Variants in C11orf54 observed in about 807,000 individuals in gnomAD.
The protein encoded by C11orf54 is beta-keto L-gulonate decarboxylase.
C11orf54 carries 29 observed loss-of-function variants against 35.5 expected under a neutral mutation model. The observed-to-expected ratio is 0.82, with a 90% confidence interval of 0.61 to 1.11. The LOEUF (loss-of-function observed/expected upper bound fraction) is 1.11, where lower values mean the gene tolerates loss of function less well. Ranked by LOEUF, C11orf54 falls within the 50% of genes most tolerant of loss-of-function variation. The pLI, the probability that C11orf54 is intolerant of heterozygous loss-of-function variation, is 0.00. For missense variants in C11orf54, 373 were observed against 369.2 expected, an observed-to-expected ratio of 1.01 and a Z score of -0.08; for synonymous variants, 108 against 121.1, an observed-to-expected ratio of 0.89 and a Z score of 0.71.
intron 3 of C11orf54, among the ~76,000 whole-genome samples, chr11:93,752,203 G>C (rs950362891): frequency 9.9e-5 from 15 of 151,966 alleles, no homozygotes; most frequent in Non-Finnish European, 4.4e-5. Flanking sequence ...AGTGTTTTCT[G>C]GTCAGTAATT....
chr11:93,755,024 A>G (rs1271501920), intron 5 of C11orf54, 186 bp from the exon 6 acceptor site: 4 of 568,724 alleles, frequency 7.0e-6, no homozygotes, highest in African/African-American at 1.9e-5. Flanking sequence ...GGCATGAGCC[A>G]CAGCGCCCGG....
Position 93,741,742 on chromosome 11 carries a change from C to G in C11orf54, c.-98+14C>G, listed in dbSNP as rs1942073191. ...GTGACCGTTTAGGTGAGTGGAATAGCCAAGAACATTTCGGCAAATAACAAA... is the reference window on the plus strand; with the variant it reads ...GTGACCGTTTAGGTGAGTGGAATAGGCAAGAACATTTCGGCAAATAACAAA... On this transcript the variant is annotated intron_variant, in intron 1 of 8. Coordinates refer to ENST00000354421, the MANE Select transcript of C11orf54 (RefSeq NM_001286069.2). 3.1e-6 allele frequency: 1 copy of G among 319,916 alleles called. No homozygotes were observed. Among genetic ancestry groups the G allele is most frequent in the Non-Finnish European group, 6.2e-6 (1 of 162,016 alleles). 19.8% of individuals were successfully genotyped at this position (319,916 alleles called of 1,614,324 possible).
At chr11:93,760,032 C>T (rs1163933150) in intron 8 of C11orf54, among the ~76,000 whole-genome samples, 174 bp downstream of exon 8, 1 of 152,110 alleles carries the variant, frequency 6.6e-6, no homozygotes, top group Non-Finnish European at 1.5e-5. Flanking sequence ...CTGCAACCTC[C>T]GCCTCCTGGG....
intron 6 of C11orf54, 136 bp from the exon 7 acceptor site, chr11:93,757,180 C>T: frequency 1.1e-6 from 1 of 878,474 alleles, no homozygotes; most frequent in Non-Finnish European, 1.7e-6. Context: ...CACGGGATTG[C>T]AACATCTCAA....
intron 3 of C11orf54, among the ~76,000 whole-genome samples, chr11:93,752,746 G>GTTTT (rs71064779): frequency 1.5e-4 from 16 of 103,894 alleles, no homozygotes; most frequent in African/African-American, 3.2e-4. Context: ...ATCTCTCTGG[G>GTTTT]TTTTTTTTTT....
chr11:93,754,369 A>G (rs1433186900), intron 5 of C11orf54, among the ~76,000 whole-genome samples: 1 of 152,226 alleles, frequency 6.6e-6, no homozygotes, highest in African/African-American at 2.4e-5. Context: ...TTGGGTATGC[A>G]GGCAGCTTTG....
chr11:93,755,567 A>G (rs1943089448), intron 6 of C11orf54, among the ~76,000 whole-genome samples, 181 bp downstream of exon 6: 1 of 151,990 alleles, frequency 6.6e-6, no homozygotes, highest in Non-Finnish European at 1.5e-5. Context: ...CCTGGTCAAC[A>G]TGGTGAAACC....
At position 93,759,857 on chromosome 11, in the gene C11orf54, C is replaced by G; in HGVS notation, c.773C>G (p.Pro258Arg). Residue 258 changes from proline (P) to arginine (R), a missense_variant and splice_region_variant, in exon 8 of 9, where the codon CCA (proline) becomes CGA (arginine). Transcript: ENST00000354421. Reference sequence around the variant, plus strand: ...CTACCAGTTTTTGTCTCCAGAGACCCAGTAAGTCTGTGTCTGTTTTTTATA... The same window carrying G: ...CTACCAGTTTTTGTCTCCAGAGACCGAGTAAGTCTGTGTCTGTTTTTTATA... ...VCLPVFVSRD[P>R]GFDLRLEHTH... 6.4e-7 allele frequency: 1 copy of G among 1,552,274 alleles called. No individual in the cohort carries two copies. The highest frequency in any genetic ancestry group is 8.9e-7 in the Non-Finnish European group (1 of 1,129,494).
At chr11:93,757,139 T>C (rs1943196535) in intron 6 of C11orf54, among the ~76,000 whole-genome samples, 177 bp from the exon 7 acceptor site, 2 of 151,674 alleles carry the variant, frequency 1.3e-5, no homozygotes, top group African/African-American at 4.8e-5. Context: ...TGTGTGTGTG[T>C]GCATACATAT....
intron 2 of C11orf54, 122 bp from the exon 3 acceptor site, chr11:93,750,224 C>T: frequency 1.5e-6 from 1 of 661,122 alleles, no homozygotes; most frequent in Non-Finnish European, 2.6e-6. Context: ...AGACCATTTC[C>T]CCCTTCTTTT....
chr11:93,762,636 A>C lies in C11orf54; in HGVS notation c.*948A>C, dbSNP rs1377743312. 1.3e-5 allele frequency: 2 copies of C among 152,168 alleles called. No individual in the cohort carries two copies. The highest frequency in any genetic ancestry group is 2.4e-5 in the African/African-American group (1 of 41,448). The allele number at this position is 152,168 out of a possible 1,614,324, so 9.4% of individuals were successfully genotyped here. Reference sequence around the variant, plus strand: ...TTAAAATGTTTCTTAAATAAAAAAAACACAAACATTAGCAACTAGTTGGCT... The same window carrying C: ...TTAAAATGTTTCTTAAATAAAAAAACCACAAACATTAGCAACTAGTTGGCT... On this transcript the variant is annotated 3_prime_UTR_variant, in exon 9 of 9. Transcript: ENST00000354421.
At chr11:93,760,721 C>T (rs1372673054) in intron 8 of C11orf54, among the ~76,000 whole-genome samples, 11 of 152,128 alleles carry the variant, frequency 7.2e-5, no homozygotes, top group South Asian at 4.2e-4. Context: ...TGCAGTGATG[C>T]AATCTCGGCT....
rs1943568820 is a variant in C11orf54 at position 93,764,018 on chromosome 11, G to A, written c.*2330G>A. On this transcript the variant is annotated 3_prime_UTR_variant, in exon 9 of 9. Coordinates refer to ENST00000354421, the MANE Select transcript of C11orf54 (RefSeq NM_001286069.2). Reference sequence around the variant, plus strand: ...CTTGCTTTATTTTTTTAAAGAGATGGTGTCTCACTATGTTGCCCAGGCTGG... The same window carrying A: ...CTTGCTTTATTTTTTTAAAGAGATGATGTCTCACTATGTTGCCCAGGCTGG... 1 of 152,138 alleles carries A rather than the reference G, an allele frequency of 6.6e-6. No homozygotes were observed. Among genetic ancestry groups the A allele is most frequent in the Admixed American group, 6.6e-5 (1 of 15,256 alleles). 9.4% of individuals were successfully genotyped at this position (152,138 alleles called of 1,614,324 possible).
At chr11:93,756,037 C>T (rs7950574) in intron 6 of C11orf54, among the ~76,000 whole-genome samples, 83,772 of 151,226 alleles carry the variant, frequency 0.55, 24,601 homozygotes, top group Admixed American at 0.69. Flanking sequence ...GAAGGTGGCA[C>T]ATGCCTGTAG....
At chr11:93,755,486 G>T in intron 6 of C11orf54, 100 bp downstream of exon 6, 2 of 1,380,820 alleles carry the variant, frequency 1.4e-6, no homozygotes, top group Non-Finnish European at 9.8e-7. Context: ...AAGAAAATTA[G>T]TTTCCCACTT....
intron 3 of C11orf54, among the ~76,000 whole-genome samples, chr11:93,752,245 A>G (rs1942874810): frequency 6.6e-6 from 1 of 152,316 alleles, no homozygotes; most frequent in East Asian, 1.9e-4. Context: ...ACTAGAAGCC[A>G]GATATGCATC....
intron 7 of C11orf54, among the ~76,000 whole-genome samples, 197 bp from the exon 8 acceptor site, chr11:93,759,545 A>G (rs1243908998): frequency 6.6e-6 from 1 of 152,186 alleles, no homozygotes; most frequent in Non-Finnish European, 1.5e-5. Flanking sequence ...TACCTAATGT[A>G]GGTGACAGGT....
rs2077408 is a variant in C11orf54, at chr11:93,764,113, G to A, written c.*2425G>A. On this transcript the variant is annotated 3_prime_UTR_variant, in exon 9 of 9. Transcript: ENST00000354421. ...ACAGGCATGGGCCACCATGTCTGGCGAGCACCCAGGCTTTCTTAGCTTGCC... is the reference window on the plus strand; with the variant it reads ...ACAGGCATGGGCCACCATGTCTGGCAAGCACCCAGGCTTTCTTAGCTTGCC... 0.11 allele frequency: 16,844 copies of A among 152,150 alleles called. 1,029 individuals carry two copies. Among genetic ancestry groups the A allele is most frequent in the East Asian group, 0.25 (1,301 of 5,170 alleles). The allele number at this position is 152,150 out of a possible 1,614,324, so 9.4% of individuals were successfully genotyped here.
chr11:93,743,527 G>C (rs1487255433), intron 1 of C11orf54, among the ~76,000 whole-genome samples: 1 of 152,174 alleles, frequency 6.6e-6, no homozygotes, highest in East Asian at 1.9e-4. Flanking sequence ...ACCCAGGCCT[G>C]CTGCGCTCCA....
Sources: allele counts gnomAD v4.1 joint callset (sites outside exome capture counted in the v4.1 genomes callset), GRCh38; gene constraint gnomAD v4.1.1; transcripts MANE v1.5; gene names NCBI Gene and HGNC (gene_info 2026-07-23, HGNC 2026-07-21).